The following KATNAL2 variants were observed in gnomAD, a reference collection of about 807,000 sequenced individuals.
The protein encoded by KATNAL2 is katanin catalytic subunit A1 like 2.
In KATNAL2, 52 loss-of-function variants were observed where a neutral mutation model predicts 76.3. The ratio of observed to expected loss-of-function variants is 0.68; its 90% CI spans 0.55 to 0.86. The LOEUF is 0.86. KATNAL2 is among the 40% of genes least tolerant of loss of function. KATNAL2 has a pLI of 0.00. For synonymous variants in KATNAL2, 243 were observed against 244.2 expected (o/e 1.00, Z 0.05); for missense variants, 660 against 668.9 (o/e 0.99, Z 0.15).
At chr18:47,091,993 G>C (rs1185554215) in intron 15 of KATNAL2, among the ~76,000 whole-genome samples, 3 of 152,038 alleles carry the variant, frequency 2.0e-5, no homozygotes, top group Non-Finnish European at 4.4e-5. Context: ...TCTGATATCA[G>C]CTTATTTTTT....
intron 14 of KATNAL2, among the ~76,000 whole-genome samples, chr18:47,075,634 C>G (rs2062180824): frequency 6.6e-6 from 1 of 152,178 alleles, no homozygotes; most frequent in Non-Finnish European, 1.5e-5. Context: ...CCTGAAGATC[C>G]TCTAGCCCCA....
In KATNAL2 at chr18:46,946,160, G is replaced by T; in HGVS notation, c.-406G>T. Reference sequence around the variant, plus strand: ...ATGATGAAGGGATAATTTGGAATAGGATTCACAGCAAGAGAGACAGAAGGG... The same window carrying T: ...ATGATGAAGGGATAATTTGGAATAGTATTCACAGCAAGAGAGACAGAAGGG... On this transcript the variant is annotated 5_prime_UTR_variant, in exon 2 of 18. Transcript: ENST00000683218. 3.2e-6 allele frequency: 3 copies of T among 944,960 alleles called. No individual in the cohort carries two copies. Among genetic ancestry groups the T allele is most frequent in the Non-Finnish European group, 3.8e-6 (3 of 786,754 alleles). 58.5% of individuals were successfully genotyped at this position (944,960 alleles called of 1,614,324 possible). A position where few individuals can be genotyped will look rare whatever the true frequency, so the allele number is the denominator to read the frequency against.
At chr18:47,087,804 C>CA (rs146217188) in intron 15 of KATNAL2, among the ~76,000 whole-genome samples, 9 of 150,960 alleles carry the variant, frequency 6.0e-5, no homozygotes, top group Admixed American at 2.6e-4. Context: ...CACAGAGCAA[C>CA]AAAAATGCGT....
At chr18:47,060,186 G>A (rs2061590999) in intron 8 of KATNAL2, among the ~76,000 whole-genome samples, 1 of 151,974 alleles carries the variant, frequency 6.6e-6, no homozygotes, top group African/African-American at 2.4e-5. Flanking sequence ...TTCTAGAGAT[G>A]GGGTCTCACT....
At chr18:47,083,540 C>A (rs766972256) in intron 15 of KATNAL2, among the ~76,000 whole-genome samples, 36 of 152,208 alleles carry the variant, frequency 2.4e-4, no homozygotes, top group Non-Finnish European at 4.9e-4. Context: ...CCCTTCCCAG[C>A]AGTGACAGGT....
At chr18:46,933,022 A>G (rs979856025) in intron 1 of KATNAL2, among the ~76,000 whole-genome samples, 2 of 152,010 alleles carry the variant, frequency 1.3e-5, no homozygotes, top group African/African-American at 2.4e-5. Flanking sequence ...CTCGGCCTCC[A>G]AAAGTGCTGG....
chr18:47,071,906 T>TTA (rs1449272584), intron 13 of KATNAL2, among the ~76,000 whole-genome samples: 6 of 105,346 alleles, frequency 5.7e-5, no homozygotes, highest in Non-Finnish European at 9.9e-5. Flanking sequence ...AAAAATTAAT[T>TTA]AAAAAAAAAA....
intron 3 of KATNAL2, among the ~76,000 whole-genome samples, chr18:46,955,593 C>T (rs149854241): frequency 3.8e-4 from 57 of 151,950 alleles, no homozygotes; most frequent in African/African-American, 1.1e-3. Flanking sequence ...AGGGTCTCAC[C>T]GTTTTGCCCA....
intron 1 of KATNAL2, among the ~76,000 whole-genome samples, chr18:46,937,206 A>C (rs570054212): frequency 5.9e-5 from 9 of 152,246 alleles, no homozygotes; most frequent in African/African-American, 1.9e-4. Context: ...CCTAAATCGC[A>C]TAACCCCAGT....
intron 3 of KATNAL2, among the ~76,000 whole-genome samples, chr18:46,959,320 C>T (rs1235335785): frequency 6.6e-6 from 1 of 152,224 alleles, no homozygotes; most frequent in Non-Finnish European, 1.5e-5. Flanking sequence ...ATTCTGACCA[C>T]TGCTACAGCC....
chr18:47,031,723 C>T (rs932130800), intron 3 of KATNAL2, among the ~76,000 whole-genome samples: 7 of 152,160 alleles, frequency 4.6e-5, no homozygotes, highest in Non-Finnish European at 1.5e-5. Context: ...ATGTGATCCA[C>T]CCACCTCGGC....
At chr18:47,093,212 C>G (rs957506349) in intron 15 of KATNAL2, among the ~76,000 whole-genome samples, 2 of 152,184 alleles carry the variant, frequency 1.3e-5, no homozygotes, top group South Asian at 2.1e-4. Flanking sequence ...ATGCCTGCCT[C>G]ACAGGGTTGT....
At chr18:47,075,238 C>T (rs747144347) in intron 13 of KATNAL2, 39 bp from the exon 14 acceptor site, 1 of 1,508,402 alleles carries the variant, frequency 6.6e-7, no homozygotes, top group Non-Finnish European at 8.9e-7. Flanking sequence ...GACTTTAAGT[C>T]TATAAGCTTG....
chr18:46,934,175 G>C lies in KATNAL2; in HGVS notation c.-509-11882G>C, dbSNP rs575231082. On this transcript the variant is annotated intron_variant, in intron 1 of 17. Transcript: ENST00000683218. ...TGGGTATATACCCAGTAATGGGATG[G>C]CTGGGTCAAATGGTATTTCTAGTTC... is the stretch of plus-strand genomic sequence containing the variant. 7.3e-4 allele frequency among the ~76,000 whole-genome samples: 111 copies of C among 152,186 alleles called. 2 individuals carry two copies. The highest frequency in any genetic ancestry group is 2.6e-3 in the African/African-American group (109 of 41,526).
chr18:47,096,350 A>C (rs777712338), intron 15 of KATNAL2, among the ~76,000 whole-genome samples: 1 of 152,140 alleles, frequency 6.6e-6, no homozygotes, highest in Non-Finnish European at 1.5e-5. Flanking sequence ...AAATATTTAA[A>C]ATTTTATTTT....
rs1167682329 is a variant in KATNAL2, at chr18:46,957,246, CTTCTTTTTTT to C, written c.51+10326_51+10335del. Among the ~76,000 whole-genome samples the C allele has an allele frequency of 2.3e-5, 3 of 128,084 alleles. 1 individual carries two copies. The highest frequency in any genetic ancestry group is 8.8e-5 in the African/African-American group (3 of 34,160). 84.0% of individuals were successfully genotyped at this position (128,084 alleles called of 152,430 possible). On this transcript the variant is annotated intron_variant, in intron 3 of 17. Transcript: ENST00000683218. Reference sequence around the variant, plus strand: ...TAGATTGAGAAAAGCAGATTGCCCTCTTCTTTTTTTTTTTTTTTTTTTTTTTTGAGACGGA... The same window carrying C: ...TAGATTGAGAAAAGCAGATTGCCCTCTTTTTTTTTTTTTTTTTGAGACGGA...
intron 1 of KATNAL2, among the ~76,000 whole-genome samples, chr18:46,919,541 C>G (rs879636373): frequency 5.6e-4 from 85 of 151,684 alleles, no homozygotes; most frequent in Admixed American, 1.1e-3. Context: ...CCCAGCTACT[C>G]GTGAGGCTGA....
chr18:47,036,499 T>C (rs1442905474), intron 3 of KATNAL2, among the ~76,000 whole-genome samples: 2 of 152,244 alleles, frequency 1.3e-5, no homozygotes, highest in African/African-American at 4.8e-5. Context: ...GTAGCCTTTG[T>C]TTTGTGCTCT....
At chr18:47,035,639 G>C (rs1045460839) in intron 3 of KATNAL2, 1 of 434,278 alleles carries the variant, frequency 2.3e-6, no homozygotes, top group African/African-American at 2.0e-5. Flanking sequence ...GGGCTGCCCC[G>C]CCCCCATACG....
Sources: allele counts gnomAD v4.1 joint callset (sites outside exome capture counted in the v4.1 genomes callset), GRCh38; gene constraint gnomAD v4.1.1; transcripts MANE v1.5; gene names NCBI Gene and HGNC (gene_info 2026-07-23, HGNC 2026-07-21).